TSGA10: variants seen among roughly 807,000 people sequenced by gnomAD.
TSGA10 encodes testis-specific gene 10 protein.
In TSGA10, 43 loss-of-function variants were observed where a neutral mutation model predicts 96.6. That is an observed-to-expected ratio of 0.44 (90% CI 0.35 to 0.57). The LOEUF (loss-of-function observed/expected upper bound fraction) is 0.57, where lower values mean the gene tolerates loss of function less well. Among genes scored for constraint, TSGA10 ranks in the 20% least tolerant of loss-of-function variants. The probability of loss-of-function intolerance (pLI) is 0.01; values close to 1 mark genes in which losing one functional copy is unlikely to be tolerated. For synonymous variants in TSGA10, 229 were observed against 269.9 expected (o/e 0.85, Z 1.48); for missense variants, 703 against 834.4 (o/e 0.84, Z 1.94).
chr2:99,138,913 A>C (rs191218923), intron 1 of TSGA10, among the ~76,000 whole-genome samples: 759 of 152,306 alleles, frequency 5.0e-3, no homozygotes, highest in Non-Finnish European at 8.2e-3. Context: ...AGCTGAGGTA[A>C]TAAGAGGAAA....
At chr2:99,047,260 G>C (rs1054749427) in intron 16 of TSGA10, among the ~76,000 whole-genome samples, 6 of 152,068 alleles carry the variant, frequency 3.9e-5, no homozygotes, top group African/African-American at 1.5e-4. Context: ...GACTGGCAGA[G>C]ATACAACAAA....
chr2:99,007,434 AAAC>A lies in TSGA10; in HGVS notation c.2073-9216_2073-9214del, dbSNP rs559353062. On this transcript the variant is annotated intron_variant, in intron 20 of 20. Coordinates refer to ENST00000393483, the MANE Select transcript of TSGA10 (RefSeq NM_025244.4). ...TTAAAAATATTTACCATGTAAATAG[AAAC>A]AACAAGAAAATAGGAGTGGCAACAC... Among the ~76,000 whole-genome samples, 626 of 152,352 alleles carry A rather than the reference AAAC, an allele frequency of 4.1e-3. 5 individuals are homozygous for A. The highest frequency in any genetic ancestry group is 0.014 in the African/African-American group (595 of 41,580).
intron 20 of TSGA10, among the ~76,000 whole-genome samples, chr2:99,004,518 A>G (rs975384316): frequency 6.6e-6 from 1 of 152,210 alleles, no homozygotes; most frequent in African/African-American, 2.4e-5. Flanking sequence ...AAACACCTCT[A>G]CGCAAATAAA....
chr2:99,076,709 C>T (rs1379933780), intron 12 of TSGA10, among the ~76,000 whole-genome samples: 1 of 152,134 alleles, frequency 6.6e-6, no homozygotes, highest in Non-Finnish European at 1.5e-5. Context: ...TGTTCTCTGG[C>T]CATGCTAAAC....
chr2:99,132,500 T>C (rs2093139306), intron 1 of TSGA10, among the ~76,000 whole-genome samples: 1 of 151,772 alleles, frequency 6.6e-6, no homozygotes, highest in East Asian at 1.9e-4. Flanking sequence ...TTATTGTGTC[T>C]ATTTGATTCT....
intron 10 of TSGA10, among the ~76,000 whole-genome samples, chr2:99,092,264 CT>C (rs937387994): frequency 3.3e-5 from 5 of 151,952 alleles, no homozygotes; most frequent in African/African-American, 1.2e-4. Context: ...CTATCAAAAC[CT>C]TTGGGATACA....
intron 16 of TSGA10, among the ~76,000 whole-genome samples, chr2:99,038,070 GAA>G (rs879799854): frequency 1.5e-5 from 2 of 137,834 alleles, no homozygotes; most frequent in Non-Finnish European, 1.6e-5. Context: ...CTTCAAAAAT[GAA>G]AAAAAAAAAA....
chr2:99,034,784 G>A (rs1354484743), intron 17 of TSGA10, among the ~76,000 whole-genome samples: 1 of 152,070 alleles, frequency 6.6e-6, no homozygotes, highest in Non-Finnish European at 1.5e-5. Context: ...AGTCCCTGAG[G>A]ACAGGAACCT....
intron 17 of TSGA10, among the ~76,000 whole-genome samples, chr2:99,025,259 C>CA (rs1230424336): frequency 6.6e-6 from 1 of 152,152 alleles, no homozygotes; most frequent in Non-Finnish European, 1.5e-5. Context: ...ATCTGGGCCT[C>CA]AGTATTACTT....
chr2:99,131,571 G>C (rs2093086893), intron 1 of TSGA10, among the ~76,000 whole-genome samples: 1 of 152,184 alleles, frequency 6.6e-6, no homozygotes, highest in African/African-American at 2.4e-5. Context: ...TGCAAACAGA[G>C]ACAATTTGAC....
chr2:99,127,080 G>A lies in TSGA10; in HGVS notation c.-524C>T, dbSNP rs1467629981. On this transcript the variant is annotated 5_prime_UTR_variant, in exon 2 of 21. Transcript: ENST00000393483. Reference sequence around the variant, plus strand: ...TTCAGTGTCGAGATGAATCTATCTTGGTTTCTCACTTCTTGTTCTAGCTGG... The same window carrying A: ...TTCAGTGTCGAGATGAATCTATCTTAGTTTCTCACTTCTTGTTCTAGCTGG... 7.8e-7 allele frequency: 1 copy of A among 1,289,366 alleles called. No individual in the cohort carries two copies. The highest frequency in any genetic ancestry group is 1.2e-5 in the South Asian group (1 of 80,964). The allele number at this position is 1,289,366 out of a possible 1,614,324, so 79.9% of individuals were successfully genotyped here. A position where few individuals can be genotyped will look rare whatever the true frequency, so the allele number is the denominator to read the frequency against.
intron 16 of TSGA10, among the ~76,000 whole-genome samples, chr2:99,043,071 C>A (rs1185762809): frequency 6.6e-6 from 1 of 152,064 alleles, no homozygotes; most frequent in African/African-American, 2.4e-5. Context: ...ACAAGCAAAA[C>A]TTCAAAGTAG....
At chr2:99,144,649 CAAAAAAAAAAA>C (rs70940140) in intron 1 of TSGA10, among the ~76,000 whole-genome samples, 23 of 52,258 alleles carry the variant, frequency 4.4e-4, no homozygotes, top group Non-Finnish European at 7.0e-4. Flanking sequence ...AACTCTGTCT[CAAAAAAAAAAA>C]AAAAAAAAAA....
chr2:99,027,250 C>A (rs1256403357), intron 17 of TSGA10, among the ~76,000 whole-genome samples: 1 of 152,174 alleles, frequency 6.6e-6, no homozygotes, highest in East Asian at 1.9e-4. Context: ...TCATTCATGG[C>A]AACCTGGGTG....
chr2:99,061,417 A>T (rs1298529364), intron 16 of TSGA10, among the ~76,000 whole-genome samples: 2 of 152,192 alleles, frequency 1.3e-5, no homozygotes, highest in Admixed American at 6.5e-5. Context: ...GTGTAAACTG[A>T]TATAACCACT....
chr2:99,072,273 G>C (rs1363310781), intron 13 of TSGA10, among the ~76,000 whole-genome samples: 2 of 151,996 alleles, frequency 1.3e-5, no homozygotes, highest in Non-Finnish European at 2.9e-5. Flanking sequence ...CCTTCTCTCA[G>C]ACAAACTCTA....
At position 99,105,456 on chromosome 2, in the gene TSGA10, A is replaced by G; in HGVS notation, c.382-20T>C. 6.2e-7 allele frequency: 1 copy of G among 1,613,906 alleles called. No homozygotes were observed. Among genetic ancestry groups the G allele is most frequent in the Non-Finnish European group, 8.5e-7 (1 of 1,179,960 alleles). On this transcript the variant is annotated intron_variant, in intron 8 of 20. Coordinates refer to ENST00000393483, the MANE Select transcript of TSGA10 (RefSeq NM_025244.4). ...AGCAATCTGATTAAAAAGCAAAAAC[A>G]AAATAAAGTGATTTCAATATCCCTG...
Position 99,038,433 on chromosome 2 carries a change from T to A in TSGA10, c.1405-2994A>T, listed in dbSNP as rs185554124. Among the ~76,000 whole-genome samples the A allele has an allele frequency of 2.4e-4, 36 of 152,174 alleles. 1 individual carries two copies. Among genetic ancestry groups the A allele is most frequent in the Admixed American group, 1.8e-3 (27 of 15,270 alleles). ...GACTCACCTAACACATAAGGACTCA[T>A]ACAAACTTAAGTAAAGGGGTGGAAA... is the stretch of plus-strand genomic sequence containing the variant. On this transcript the variant is annotated intron_variant, in intron 16 of 20. Coordinates refer to ENST00000393483, the MANE Select transcript of TSGA10 (RefSeq NM_025244.4).
chr2:99,012,674 T>G (rs1278800545), intron 20 of TSGA10, among the ~76,000 whole-genome samples: 1 of 152,070 alleles, frequency 6.6e-6, no homozygotes, highest in African/African-American at 2.4e-5. Context: ...GCTCTCAAAT[T>G]TAGAAAACAA....
Sources: gnomAD v4.1 joint callset for allele counts (sites outside exome capture counted in the v4.1 genomes callset) on GRCh38, gnomAD v4.1.1 for gene constraint, MANE v1.5 for transcripts, NCBI Gene and HGNC (gene_info 2026-07-23, HGNC 2026-07-21) for gene names.